The following MAEA variants were observed in gnomAD, a reference collection of about 807,000 sequenced individuals.
MAEA encodes macrophage erythroblast attacher, E3 ubiquitin ligase.
In MAEA, 22 loss-of-function variants were observed where a neutral mutation model predicts 46.2. That is an observed-to-expected ratio of 0.48 (90% CI 0.34 to 0.68). MAEA has a LOEUF of 0.68. Among genes scored for constraint, MAEA ranks in the 30% least tolerant of loss-of-function variants. The pLI, the probability that MAEA is intolerant of heterozygous loss-of-function variation, is 0.01. For synonymous variants in MAEA, 246 were observed against 222.6 expected (o/e 1.11, Z -0.94); for missense variants, 393 against 558.1 (o/e 0.70, Z 2.98).
In MAEA at chr4:1,339,279, AC is replaced by A; in HGVS notation, c.*112del. 1 of 763,368 alleles carries A rather than the reference AC, an allele frequency of 1.3e-6. No individual in the cohort carries two copies. The allele number at this position is 763,368 out of a possible 1,614,324, so 47.3% of individuals were successfully genotyped here. A position where few individuals can be genotyped will look rare whatever the true frequency, so the allele number is the denominator to read the frequency against. Reference sequence around the variant, plus strand: ...TGCCGCGGCGTTTCTGTTTCTTGCGACCAAAGATCCGTGAGCAACGATAAAT... The same window carrying A: ...TGCCGCGGCGTTTCTGTTTCTTGCGACAAAGATCCGTGAGCAACGATAAAT... On this transcript the variant is annotated 3_prime_UTR_variant, in exon 9 of 9. Coordinates refer to ENST00000303400, the MANE Select transcript of MAEA (RefSeq NM_001017405.3).
chr4:1,302,930 A>G (rs996438105), intron 1 of MAEA, among the ~76,000 whole-genome samples: 1 of 152,178 alleles, frequency 6.6e-6, no homozygotes, highest in Non-Finnish European at 1.5e-5. Flanking sequence ...GGCTGTAGCA[A>G]AAACAATGGC....
At chr4:1,312,973 G>T (rs1736701432) in intron 2 of MAEA, among the ~76,000 whole-genome samples, 1 of 152,228 alleles carries the variant, frequency 6.6e-6, no homozygotes, top group Non-Finnish European at 1.5e-5. Flanking sequence ...TTGTCCCCTG[G>T]AGTGTTGGCC....
chr4:1,313,943 A>T (rs1046399859), intron 2 of MAEA, among the ~76,000 whole-genome samples: 44 of 152,132 alleles, frequency 2.9e-4, no homozygotes, highest in African/African-American at 1.0e-3. Context: ...CTGAGGCAGG[A>T]GAATCGCTTG....
chr4:1,337,094 A>T, intron 7 of MAEA, 100 bp downstream of exon 7: 1 of 1,424,534 alleles, frequency 7.0e-7, no homozygotes, highest in South Asian at 1.3e-5. Flanking sequence ...TTGTCCTCCC[A>T]CCACAGACAG....
In MAEA at chr4:1,312,072, G is replaced by A. The variant is rs375620695; in HGVS notation, c.163G>A (p.Glu55Lys). 2 of 1,613,960 alleles carry A rather than the reference G, an allele frequency of 1.2e-6. No homozygotes were observed. Among genetic ancestry groups the A allele is most frequent in the South Asian group, 2.2e-5 (2 of 91,092 alleles). The change falls in exon 2 of 9, where the codon GAG becomes AAG. Residue 55 changes from glutamate to lysine, a missense_variant. This residue lies in a region of MAEA where 358 missense variants were observed against 537.9 expected (regional missense o/e 0.67). Transcript: ENST00000303400. Reference sequence around the variant, plus strand: ...CGTCACCATGGTGGTGGCCGAGCTGGAGAAGACGTTGAGCGGCTGCCCCGC... The same window carrying A: ...CGTCACCATGGTGGTGGCCGAGCTGAAGAAGACGTTGAGCGGCTGCCCCGC... The part of the protein sequence containing the change: ...SHVTMVVAEL[E>K]KTLSGCPAVD...
At chr4:1,301,404 T>C (rs1735308823) in intron 1 of MAEA, among the ~76,000 whole-genome samples, 1 of 152,230 alleles carries the variant, frequency 6.6e-6, no homozygotes, top group African/African-American at 2.4e-5. Flanking sequence ...GGAGATGTAA[T>C]TTAACATTCG....
In MAEA at chr4:1,289,997, C is replaced by T. The variant is rs755455875; in HGVS notation, c.69+15C>T. On this transcript the variant is annotated intron_variant, in intron 1 of 8. Coordinates refer to ENST00000303400, the MANE Select transcript of MAEA (RefSeq NM_001017405.3). ...CGACCCTCAAGGTGGGCGCCTGCGC[C>T]GCGCAGGCTGAGGGCAGCGAAGGCG... The T allele has an allele frequency of 8.2e-6, 13 of 1,576,688 alleles. No homozygotes were observed. The highest frequency in any genetic ancestry group is 1.1e-5 in the Non-Finnish European group (13 of 1,161,376).
intron 3 of MAEA, among the ~76,000 whole-genome samples, chr4:1,320,183 TCAGAAA>T (rs1481945739): frequency 5.8e-5 from 5 of 86,612 alleles, no homozygotes; most frequent in African/African-American, 3.1e-4. Context: ...TGAAGGGGCT[TCAGAAA>T]TCATCAGAAC....
intron 5 of MAEA, chr4:1,328,977 G>T: frequency 1.0e-6 from 1 of 992,332 alleles, no homozygotes; most frequent in Non-Finnish European, 1.2e-6. Context: ...AAGAGGAGGG[G>T]CTCCCGCTCT....
intron 1 of MAEA, among the ~76,000 whole-genome samples, chr4:1,310,765 A>C (rs1354384310): frequency 1.3e-5 from 2 of 152,076 alleles, no homozygotes; most frequent in Non-Finnish European, 2.9e-5. Context: ...CCGAGTGGGG[A>C]GTGGCAGCCG....
chr4:1,305,929 G>C (rs560377833), intron 1 of MAEA, among the ~76,000 whole-genome samples: 5 of 152,296 alleles, frequency 3.3e-5, no homozygotes, highest in South Asian at 2.1e-4. Context: ...GGAAGCTGTC[G>C]GGCGGGCGGG....
chr4:1,319,094 G>A (rs565802911), intron 3 of MAEA, among the ~76,000 whole-genome samples: 9 of 152,336 alleles, frequency 5.9e-5, no homozygotes, highest in South Asian at 2.1e-4. Flanking sequence ...CTCTCAACCC[G>A]TAATCCTAGC....
intron 3 of MAEA, among the ~76,000 whole-genome samples, chr4:1,318,880 G>C (rs1737653425): frequency 6.6e-6 from 1 of 152,150 alleles, no homozygotes; most frequent in Non-Finnish European, 1.5e-5. Flanking sequence ...TTGGAGCAAG[G>C]TCCCAGACAA....
Position 1,315,597 on chromosome 4 carries a change from C to G in MAEA, c.453C>G (p.Ile151Met). Reference protein sequence around the residue: ...TAVKLARQSGIEDLVNIEMFL... With the variant: ...TAVKLARQSGMEDLVNIEMFL... Reference sequence around the variant, plus strand: ...TCAAGCTGGCGCGCCAGAGCGGCATCGAGGTGGGTGCCCGCCAGACGCAGG... The same window carrying G: ...TCAAGCTGGCGCGCCAGAGCGGCATGGAGGTGGGTGCCCGCCAGACGCAGG... The change falls in exon 3 of 9, where the codon ATC (isoleucine) becomes ATG (methionine). Residue 151 changes from isoleucine (I) to methionine (M), a missense_variant. Coordinates refer to ENST00000303400, the MANE Select transcript of MAEA (RefSeq NM_001017405.3). The G allele has an allele frequency of 6.2e-7, 1 of 1,612,734 alleles. No individual in the cohort carries two copies. Among genetic ancestry groups the G allele is most frequent in the Admixed American group, 1.7e-5 (1 of 59,990 alleles).
At chr4:1,332,683 G>A in intron 5 of MAEA, 74 bp from the exon 6 acceptor site, 1 of 1,158,674 alleles carries the variant, frequency 8.6e-7, no homozygotes, top group Non-Finnish European at 1.3e-6. Context: ...CAGCCTGGGT[G>A]ACAGAGTGAA....
intron 5 of MAEA, chr4:1,329,397 T>C: frequency 2.0e-6 from 2 of 985,448 alleles, no homozygotes; most frequent in Non-Finnish European, 2.4e-6. Context: ...CCTCATAATG[T>C]CTGAGCCGAG....
At chr4:1,325,375 C>T (rs1260487313) in intron 4 of MAEA, among the ~76,000 whole-genome samples, 1 of 152,236 alleles carries the variant, frequency 6.6e-6, no homozygotes, top group African/African-American at 2.4e-5. Flanking sequence ...CTTGTTGGCG[C>T]TCCACGCCGT....
At chr4:1,301,336 A>G (rs1735304063) in intron 1 of MAEA, among the ~76,000 whole-genome samples, 1 of 152,212 alleles carries the variant, frequency 6.6e-6, no homozygotes, top group Non-Finnish European at 1.5e-5. Context: ...ATTCTGTTTC[A>G]GTGACGAAAT....
In MAEA at chr4:1,328,838, G is replaced by A. The variant is rs1739175495; in HGVS notation, c.656+1135G>A. 1.5e-5 allele frequency: 16 copies of A among 1,042,718 alleles called. No individual in the cohort carries two copies. The South Asian group carries it at 2.5e-4, about 17-fold the overall frequency. 64.6% of individuals were successfully genotyped at this position (1,042,718 alleles called of 1,614,324 possible). A position where few individuals can be genotyped will look rare whatever the true frequency, so the allele number is the denominator to read the frequency against. ...GTGGCAGGTCAGGCCTCGTCTTCAC[G>A]CACGAGGGAGCCAGGCCTGCAACGA... On this transcript the variant is annotated intron_variant, in intron 5 of 8. Coordinates refer to ENST00000303400, the MANE Select transcript of MAEA (RefSeq NM_001017405.3).
Sources: allele counts gnomAD v4.1 joint callset (sites outside exome capture counted in the v4.1 genomes callset), GRCh38; gene constraint gnomAD v4.1.1; regional missense constraint gnomAD v4.1.1; transcripts MANE v1.5; gene names NCBI Gene and HGNC (gene_info 2026-07-23, HGNC 2026-07-21).